Variants in NUDT3 observed in about 807,000 individuals in gnomAD.
NUDT3 encodes diphosphoinositol polyphosphate phosphohydrolase 1.
NUDT3 carries 9 observed loss-of-function variants against 23.6 expected under a neutral mutation model. The observed-to-expected ratio is 0.38, with a 90% CI of 0.23 to 0.66. The LOEUF (loss-of-function observed/expected upper bound fraction) is 0.66. Among genes scored for constraint, NUDT3 ranks in the 30% least tolerant of loss-of-function variants. The pLI is 0.52. For synonymous variants in NUDT3, 86 were observed against 82.6 expected, an observed-to-expected ratio of 1.04 and a Z score of -0.22; for missense variants, 172 against 218.5, an observed-to-expected ratio of 0.79 and a Z score of 1.34.
At chr6:34,374,565 T>C (rs1764890780) in intron 1 of NUDT3, among the ~76,000 whole-genome samples, 1 of 152,210 alleles carries the variant, frequency 6.6e-6, no homozygotes, top group Admixed American at 6.5e-5. Flanking sequence ...CAATCTGTAT[T>C]GGAGTAGCAG....
At chr6:34,352,019 G>A (rs1057134854) in intron 1 of NUDT3, among the ~76,000 whole-genome samples, 1 of 151,656 alleles carries the variant, frequency 6.6e-6, no homozygotes, top group Non-Finnish European at 1.5e-5. Context: ...ACATGGCGAG[G>A]TCCTGTCTCC....
At chr6:34,390,463 C>T (rs1255115089) in intron 1 of NUDT3, among the ~76,000 whole-genome samples, 1 of 152,030 alleles carries the variant, frequency 6.6e-6, no homozygotes, top group Non-Finnish European at 1.5e-5. Flanking sequence ...TAAGCCGTTG[C>T]TAGTTTGCTT....
intron 2 of NUDT3, among the ~76,000 whole-genome samples, chr6:34,328,546 C>G (rs1450678702): frequency 6.6e-6 from 1 of 152,098 alleles, no homozygotes; most frequent in African/African-American, 2.4e-5. Flanking sequence ...TTGTTGTTAA[C>G]AAGGTCTTGA....
At chr6:34,316,697 T>G (rs1334202729) in intron 2 of NUDT3, among the ~76,000 whole-genome samples, 1 of 152,054 alleles carries the variant, frequency 6.6e-6, no homozygotes, top group Non-Finnish European at 1.5e-5. Flanking sequence ...GGAACAGCAA[T>G]TACAAGGGCA....
At chr6:34,341,729 C>T (rs1581876812) in intron 2 of NUDT3, 133 bp downstream of exon 2, 4 of 670,940 alleles carry the variant, frequency 6.0e-6, no homozygotes, top group African/African-American at 1.8e-5. Flanking sequence ...AAGGAGGGAC[C>T]GGATAACCAT....
At chr6:34,293,138 A>G (rs1173350422) in intron 4 of NUDT3, among the ~76,000 whole-genome samples, 1 of 152,114 alleles carries the variant, frequency 6.6e-6, no homozygotes, top group Admixed American at 6.6e-5. Flanking sequence ...TTATGGCTCA[A>G]TGTGACCTCA....
chr6:34,375,980 T>G (rs1435464601), intron 1 of NUDT3, among the ~76,000 whole-genome samples: 1 of 152,146 alleles, frequency 6.6e-6, no homozygotes, highest in Non-Finnish European at 1.5e-5. Flanking sequence ...TTGCTTTCTG[T>G]GTACTTTCTC....
At chr6:34,347,017 C>T (rs572622537) in intron 1 of NUDT3, among the ~76,000 whole-genome samples, 17 of 152,196 alleles carry the variant, frequency 1.1e-4, no homozygotes, top group Non-Finnish European at 2.2e-4. Context: ...AATCCTCCTG[C>T]CTTGGCCTCC....
chr6:34,298,871 T>A (rs549349274), intron 2 of NUDT3, among the ~76,000 whole-genome samples: 1 of 152,322 alleles, frequency 6.6e-6, no homozygotes, highest in Admixed American at 6.5e-5. Context: ...TATTTCCCTA[T>A]TTACCAATTT....
rs1763354531 is a variant in NUDT3, at chr6:34,287,711, C to T, written c.*1042G>A. 1 of 152,270 alleles carries T rather than the reference C, an allele frequency of 6.6e-6. No homozygotes were observed. The highest frequency in any genetic ancestry group is 1.5e-5 in the Non-Finnish European group (1 of 68,080). 9.4% of individuals were successfully genotyped at this position (152,270 alleles called of 1,614,324 possible). On this transcript the variant is annotated 3_prime_UTR_variant, in exon 5 of 5. Transcript: ENST00000607016. Reference sequence around the variant, plus strand: ...CAGAGCACATGGATGATACCCAGGTCAGCACGGTGTAAGGCATATATGGAC... The same window carrying T: ...CAGAGCACATGGATGATACCCAGGTTAGCACGGTGTAAGGCATATATGGAC...
intron 2 of NUDT3, among the ~76,000 whole-genome samples, chr6:34,297,726 AAAAAAT>A (rs1344864917): frequency 2.4e-5 from 1 of 42,492 alleles, no homozygotes; most frequent in Non-Finnish European, 4.0e-5. Flanking sequence ...TGTAAAAAAA[AAAAAAT>A]ATATATATAT....
At chr6:34,356,921 G>C in intron 1 of NUDT3, among the ~76,000 whole-genome samples, 1 of 152,028 alleles carries the variant, frequency 6.6e-6, no homozygotes, top group South Asian at 2.1e-4. Context: ...GGGACTACAG[G>C]CGCCCGCCAC....
At chr6:34,353,884 A>G (rs1449953045) in intron 1 of NUDT3, among the ~76,000 whole-genome samples, 4 of 151,566 alleles carry the variant, frequency 2.6e-5, no homozygotes, top group African/African-American at 9.7e-5. Context: ...GTTTGTAGAG[A>G]CAGGGTTTCG....
intron 1 of NUDT3, among the ~76,000 whole-genome samples, chr6:34,386,443 G>A (rs1300685615): frequency 2.0e-5 from 3 of 152,128 alleles, no homozygotes; most frequent in African/African-American, 4.8e-5. Flanking sequence ...CTCCCTGCAT[G>A]TCTGTCTCCT....
chr6:34,339,619 A>G (rs1764258954), intron 2 of NUDT3, among the ~76,000 whole-genome samples: 1 of 152,212 alleles, frequency 6.6e-6, no homozygotes, highest in Non-Finnish European at 1.5e-5. Context: ...TCTATGGTTC[A>G]CCACCGTTTT....
At chr6:34,331,145 G>A (rs1231996672) in intron 2 of NUDT3, among the ~76,000 whole-genome samples, 3 of 152,188 alleles carry the variant, frequency 2.0e-5, no homozygotes, top group Non-Finnish European at 4.4e-5. Flanking sequence ...GTGAGCCACC[G>A]CACCTGGCCT....
rs575649473 is a variant in NUDT3 at position 34,327,296 on chromosome 6, C to T, written c.210+14566G>A. Among the ~76,000 whole-genome samples, 58 of 151,956 alleles carry T rather than the reference C, an allele frequency of 3.8e-4. No homozygotes were observed. In the South Asian group the frequency reaches 4.2e-3, roughly 11 times the overall value. ...CTGTAATCCCAGCACTTTGGGAGGC[C>T]GAGGCGGGTGGATCACGAGGTCAAG... On this transcript the variant is annotated intron_variant, in intron 2 of 4. Coordinates refer to ENST00000607016, the MANE Select transcript of NUDT3 (RefSeq NM_006703.4).
intron 2 of NUDT3, among the ~76,000 whole-genome samples, chr6:34,311,056 TA>T (rs1265084570): frequency 6.8e-6 from 1 of 147,862 alleles, no homozygotes; most frequent in Non-Finnish European, 1.5e-5. Context: ...TGATACAGAG[TA>T]AGTACAAAAA....
At chr6:34,338,117 G>A (rs985578938) in intron 2 of NUDT3, among the ~76,000 whole-genome samples, 7 of 152,162 alleles carry the variant, frequency 4.6e-5, no homozygotes, top group East Asian at 1.9e-4. Flanking sequence ...CCTTCAGGGT[G>A]TGCCTACACC....
Sources: gnomAD v4.1 joint callset for allele counts (sites outside exome capture counted in the v4.1 genomes callset) on GRCh38, gnomAD v4.1.1 for gene constraint, MANE v1.5 for transcripts, NCBI Gene and HGNC (gene_info 2026-07-23, HGNC 2026-07-21) for gene names.